The following DLC1 variants were observed in gnomAD, a reference collection of about 807,000 sequenced individuals.
DLC1 encodes DLC1 Rho GTPase activating protein, also known as rho GTPase-activating protein 7.
Under a neutral mutation model 140.3 loss-of-function variants are expected in DLC1, and 54 were observed. That is an observed-to-expected ratio of 0.38 (90% CI 0.31 to 0.48). The LOEUF (loss-of-function observed/expected upper bound fraction) is 0.48, where lower values mean the gene tolerates loss of function less well. Among genes scored for constraint, DLC1 ranks in the 20% least tolerant of loss-of-function variants. DLC1 has a pLI of 0.96. For missense variants in DLC1, 2,536 were observed against 1,907.0 expected (o/e 1.33, Z -6.14); for synonymous variants, 986 against 728.1 (o/e 1.35, Z -5.70).
chr8:13,282,301 C>T (rs1188266), intron 5 of DLC1, among the ~76,000 whole-genome samples: 102,365 of 152,046 alleles, frequency 0.67, 35,160 homozygotes, highest in East Asian at 0.92. Context: ...CAGTTGACTA[C>T]AGTTTTTGAG....
intron 1 of DLC1, among the ~76,000 whole-genome samples, chr8:13,551,756 T>A (rs1803860817): frequency 6.6e-6 from 1 of 150,976 alleles, no homozygotes; most frequent in South Asian, 2.1e-4. Context: ...TATGTTTCTA[T>A]ATCAAACATA....
chr8:13,491,019 A>AAT (rs955980055), intron 2 of DLC1, among the ~76,000 whole-genome samples: 95 of 146,872 alleles, frequency 6.5e-4, no homozygotes, highest in South Asian at 4.7e-3. Flanking sequence ...ATAAATTCAG[A>AAT]ATATATATAT....
intron 1 of DLC1, chr8:13,536,053 G>A (rs956445539): frequency 1.3e-5 from 2 of 152,184 alleles, no homozygotes; most frequent in Admixed American, 6.5e-5. Flanking sequence ...CACCCTGAAC[G>A]TGCCAGATCT....
At chr8:13,202,400 C>T (rs1309782355) in intron 5 of DLC1, among the ~76,000 whole-genome samples, 2 of 152,140 alleles carry the variant, frequency 1.3e-5, no homozygotes, top group African/African-American at 4.8e-5. Context: ...TCACCTCAAA[C>T]ACTTGCCATT....
intron 5 of DLC1, among the ~76,000 whole-genome samples, chr8:13,239,932 G>A (rs375889245): frequency 1.3e-5 from 2 of 152,194 alleles, no homozygotes; most frequent in African/African-American, 2.4e-5. Flanking sequence ...TGTAATGCTT[G>A]TTCTGGTGCC....
At chr8:13,344,887 C>T (rs1326262698) in intron 4 of DLC1, among the ~76,000 whole-genome samples, 2 of 152,078 alleles carry the variant, frequency 1.3e-5, no homozygotes, top group Non-Finnish European at 2.9e-5. Context: ...TAATTGTGTG[C>T]ACACTTTTAA....
At chr8:13,196,316 A>C (rs903742541) in intron 5 of DLC1, among the ~76,000 whole-genome samples, 1 of 152,206 alleles carries the variant, frequency 6.6e-6, no homozygotes, top group African/African-American at 2.4e-5. Flanking sequence ...AAGAAGAAAA[A>C]AATATTTTAT....
intron 1 of DLC1, among the ~76,000 whole-genome samples, chr8:13,531,357 G>A (rs12682435): frequency 6.6e-6 from 1 of 152,106 alleles, no homozygotes; most frequent in Non-Finnish European, 1.5e-5. Context: ...AGGCCAAGGC[G>A]GGCGGATCAC....
At chr8:13,127,310 G>C (rs1821665682) in intron 5 of DLC1, among the ~76,000 whole-genome samples, 1 of 152,200 alleles carries the variant, frequency 6.6e-6, no homozygotes, top group Non-Finnish European at 1.5e-5. Flanking sequence ...TGAGGTTCCA[G>C]TCAACTCACA....
At position 13,232,065 on chromosome 8, in the gene DLC1, G is replaced by A. The variant is rs560221083; in HGVS notation, c.1348+73204C>T. On this transcript the variant is annotated intron_variant, in intron 5 of 17. Transcript: ENST00000276297. ...TCTCAGTTCTTTGGTCAGTGTGGTC[G>A]CAGTTGTGCTCTGAAATAAGGAGGT... 5.3e-5 allele frequency among the ~76,000 whole-genome samples: 8 copies of A among 152,192 alleles called. No homozygotes were observed. The South Asian group carries it at 1.0e-3, about 20-fold the overall frequency.
chr8:13,480,460 C>A (rs914457035), intron 2 of DLC1, among the ~76,000 whole-genome samples: 1 of 152,108 alleles, frequency 6.6e-6, no homozygotes, highest in Non-Finnish European at 1.5e-5. Context: ...TAGACTATAT[C>A]TTCTTCCTTT....
At chr8:13,551,831 G>A (rs1228802559) in intron 1 of DLC1, among the ~76,000 whole-genome samples, 6 of 145,312 alleles carry the variant, frequency 4.1e-5, no homozygotes, top group African/African-American at 1.5e-4. Context: ...ATATGTGTAT[G>A]ACAGGTATAT....
chr8:13,322,719 G>C (rs1404683854), intron 4 of DLC1, among the ~76,000 whole-genome samples: 1 of 152,184 alleles, frequency 6.6e-6, no homozygotes, highest in Non-Finnish European at 1.5e-5. Context: ...ACTAGAATCA[G>C]TTCTAAGAAG....
At chr8:13,113,358 AG>A (rs894704459) in intron 6 of DLC1, among the ~76,000 whole-genome samples, 5 of 152,054 alleles carry the variant, frequency 3.3e-5, no homozygotes, top group African/African-American at 1.2e-4. Context: ...AAACGGGGGG[AG>A]GCAATGGCCC....
intron 1 of DLC1, among the ~76,000 whole-genome samples, chr8:13,541,163 C>T (rs529845662): frequency 6.6e-6 from 1 of 152,250 alleles, no homozygotes; most frequent in Non-Finnish European, 1.5e-5. Context: ...AGTAGTATTC[C>T]ACTGTGAGTC....
intron 4 of DLC1, among the ~76,000 whole-genome samples, chr8:13,376,398 T>A (rs947753996): frequency 6.6e-5 from 10 of 152,178 alleles, no homozygotes; most frequent in Admixed American, 6.5e-4. Context: ...CCAAATCTTC[T>A]GCGTGACTTG....
At chr8:13,495,891 T>A (rs1326763563) in intron 2 of DLC1, among the ~76,000 whole-genome samples, 4 of 152,246 alleles carry the variant, frequency 2.6e-5, no homozygotes, top group African/African-American at 9.6e-5. Flanking sequence ...GTCTTAGAAC[T>A]TTGATGTGAT....
At chr8:13,133,074 G>C in intron 5 of DLC1, 1 of 1,544,992 alleles carries the variant, frequency 6.5e-7, no homozygotes, top group Admixed American at 2.0e-5. Context: ...CGGCACCCGA[G>C]ACGCGCGCCC....
intron 5 of DLC1, among the ~76,000 whole-genome samples, chr8:13,282,810 C>T (rs902174159): frequency 1.2e-4 from 18 of 152,132 alleles, no homozygotes; most frequent in Admixed American, 1.2e-3. Flanking sequence ...TTCATACTAG[C>T]TGTTTTATGT....
Sources: allele counts gnomAD v4.1 joint callset (sites outside exome capture counted in the v4.1 genomes callset), GRCh38; gene constraint gnomAD v4.1.1; transcripts MANE v1.5; gene names NCBI Gene and HGNC (gene_info 2026-07-23, HGNC 2026-07-21).